The following HS6ST3 variants were observed in gnomAD, a reference collection of about 807,000 sequenced individuals.
HS6ST3 encodes heparan-sulfate 6-O-sulfotransferase 3.
In HS6ST3, 12 loss-of-function variants were observed where a neutral mutation model predicts 36.7. The observed-to-expected ratio is 0.33, with a 90% CI of 0.21 to 0.53. HS6ST3 has a LOEUF of 0.53. Ranked by LOEUF, HS6ST3 falls within the 20% of genes least tolerant of loss-of-function variation. The probability of loss-of-function intolerance (pLI) is 0.95; values close to 1 mark genes in which losing one functional copy is unlikely to be tolerated. For missense variants in HS6ST3, 584 were observed against 640.9 expected (o/e 0.91, Z 0.96); for synonymous variants, 240 against 257.5 (o/e 0.93, Z 0.65).
chr13:96,526,667 C>T (rs7993503), intron 1 of HS6ST3, among the ~76,000 whole-genome samples: 5 of 152,116 alleles, frequency 3.3e-5, no homozygotes, highest in African/African-American at 1.2e-4. Flanking sequence ...TAAGTTGAAC[C>T]CTTTTCTTAT....
intron 1 of HS6ST3, among the ~76,000 whole-genome samples, chr13:96,742,157 A>G (rs556810527): frequency 6.6e-6 from 1 of 152,260 alleles, no homozygotes; most frequent in African/African-American, 2.4e-5. Flanking sequence ...TATGAAATAA[A>G]CTAAAGAAAG....
At chr13:96,700,421 T>G (rs1381701875) in intron 1 of HS6ST3, among the ~76,000 whole-genome samples, 2 of 152,110 alleles carry the variant, frequency 1.3e-5, no homozygotes, top group African/African-American at 4.8e-5. Flanking sequence ...GAGCTACAAT[T>G]CAAGATGAGA....
intron 1 of HS6ST3, among the ~76,000 whole-genome samples, chr13:96,575,655 G>A (rs903285707): frequency 1.4e-4 from 21 of 152,206 alleles, no homozygotes; most frequent in African/African-American, 5.1e-4. Context: ...CACCCCACCA[G>A]GGCAAATTTC....
chr13:96,658,268 C>CTTCTTTTTTTTTTTTTTTTT lies in HS6ST3; in HGVS notation c.708-174220_708-174219insCTTTTTTTTTTTTTTTTTTT, dbSNP rs1566422902. Among the ~76,000 whole-genome samples the CTTCTTTTTTTTTTTTTTTTT allele has an allele frequency of 1.1e-3, 86 of 76,120 alleles. 11 individuals carry two copies. The highest frequency in any genetic ancestry group is 6.9e-3 in the Middle Eastern group (1 of 144). The allele number at this position is 76,120 out of a possible 152,430, so 49.9% of individuals were successfully genotyped here. On this transcript the variant is annotated intron_variant, in intron 1 of 1. Coordinates refer to ENST00000376705, the MANE Select transcript of HS6ST3 (RefSeq NM_153456.4). ...TTCTTCTTCTTCTTCTCTTCTTCTT[C>CTTCTTTTTTTTTTTTTTTTT]TTTTTTTTTTTTTTTTTTTTTTTTT... is the stretch of plus-strand genomic sequence containing the variant.
intron 1 of HS6ST3, among the ~76,000 whole-genome samples, chr13:96,213,802 G>A (rs1465483895): frequency 1.3e-5 from 2 of 152,192 alleles, no homozygotes; most frequent in Non-Finnish European, 2.9e-5. Context: ...CAAAGGATAT[G>A]TTTGGATATT....
At chr13:96,240,162 C>T (rs1037138579) in intron 1 of HS6ST3, among the ~76,000 whole-genome samples, 3 of 152,114 alleles carry the variant, frequency 2.0e-5, no homozygotes, top group Admixed American at 2.0e-4. Flanking sequence ...GTAGCACTTA[C>T]AGCATTTCAG....
At chr13:96,363,592 G>A (rs143625745) in intron 1 of HS6ST3, among the ~76,000 whole-genome samples, 108 of 152,180 alleles carry the variant, frequency 7.1e-4, no homozygotes, top group African/African-American at 2.5e-3. Flanking sequence ...TTCTCCTATA[G>A]CCTTATCTTT....
chr13:96,812,281 A>G (rs1878331301), intron 1 of HS6ST3, among the ~76,000 whole-genome samples: 1 of 152,168 alleles, frequency 6.6e-6, no homozygotes, highest in South Asian at 2.1e-4. Flanking sequence ...CTCCACCACC[A>G]AAAGCTTCTT....
intron 1 of HS6ST3, among the ~76,000 whole-genome samples, chr13:96,642,923 C>A (rs1231847531): frequency 6.6e-6 from 1 of 151,790 alleles, no homozygotes. Flanking sequence ...CTATTGATTG[C>A]TTTTTTCCCC....
intron 1 of HS6ST3, among the ~76,000 whole-genome samples, chr13:96,810,989 C>T (rs1008825442): frequency 1.3e-5 from 2 of 152,086 alleles, no homozygotes; most frequent in African/African-American, 4.8e-5. Flanking sequence ...CATCCAAAAA[C>T]AAATTCTCTA....
At chr13:96,704,354 T>C (rs185479875) in intron 1 of HS6ST3, among the ~76,000 whole-genome samples, 74 of 152,318 alleles carry the variant, frequency 4.9e-4, no homozygotes, top group African/African-American at 1.6e-3. Context: ...CTGGATAGCA[T>C]ACAGGACTTA....
intron 1 of HS6ST3, among the ~76,000 whole-genome samples, chr13:96,260,529 A>T (rs1176199934): frequency 6.6e-6 from 1 of 151,804 alleles, no homozygotes; most frequent in Admixed American, 6.6e-5. Flanking sequence ...TAGCCAGGAT[A>T]GTCTCGATTT....
At chr13:96,148,652 T>A (rs1301069214) in intron 1 of HS6ST3, among the ~76,000 whole-genome samples, 1 of 152,174 alleles carries the variant, frequency 6.6e-6, no homozygotes, top group African/African-American at 2.4e-5. Flanking sequence ...AATTTAAATA[T>A]AAGAAAATGA....
chr13:96,800,014 G>GTATATATATATATATGTA (rs1378792108), intron 1 of HS6ST3, among the ~76,000 whole-genome samples: 2 of 117,032 alleles, frequency 1.7e-5, no homozygotes, highest in African/African-American at 3.3e-5. Context: ...ATATATATAT[G>GTATATATATATATATGTA]TATATATATA....
chr13:96,101,480 G>C (rs1234212301), intron 1 of HS6ST3, among the ~76,000 whole-genome samples: 2 of 151,904 alleles, frequency 1.3e-5, no homozygotes, highest in Non-Finnish European at 2.9e-5. Context: ...AAGTACACAT[G>C]CATGTACCTT....
intron 1 of HS6ST3, among the ~76,000 whole-genome samples, chr13:96,187,247 A>G (rs1274230926): frequency 6.6e-6 from 1 of 152,196 alleles, no homozygotes; most frequent in Non-Finnish European, 1.5e-5. Flanking sequence ...GATACCATAT[A>G]TCTGTCCCAC....
chr13:96,642,052 A>G (rs970333933), intron 1 of HS6ST3, among the ~76,000 whole-genome samples: 41 of 151,796 alleles, frequency 2.7e-4, no homozygotes, highest in Non-Finnish European at 1.2e-4. Flanking sequence ...TCCCTTTAGT[A>G]TTTCTTATAG....
chr13:96,373,445 A>G (rs977452565), intron 1 of HS6ST3, among the ~76,000 whole-genome samples: 5 of 152,190 alleles, frequency 3.3e-5, no homozygotes, highest in African/African-American at 1.2e-4. Context: ...TGTTCTGAAA[A>G]AGGATTTTCG....
chr13:96,471,159 A>G (rs987202470), intron 1 of HS6ST3, among the ~76,000 whole-genome samples: 3 of 152,176 alleles, frequency 2.0e-5, no homozygotes, highest in African/African-American at 7.2e-5. Flanking sequence ...GGGTCAAGCA[A>G]CAGAAAGTGC....
Sources: gnomAD v4.1 joint callset for allele counts (sites outside exome capture counted in the v4.1 genomes callset) on GRCh38, gnomAD v4.1.1 for gene constraint, MANE v1.5 for transcripts, NCBI Gene and HGNC (gene_info 2026-07-23, HGNC 2026-07-21) for gene names.